LHX6: variants seen among roughly 807,000 people sequenced by gnomAD.
LHX6 encodes the protein LIM/homeobox protein Lhx6.
A neutral mutation model predicts 47.1 loss-of-function variants in LHX6; 15 were observed. That is an observed-to-expected ratio of 0.32 (90% CI 0.21 to 0.49). The LOEUF (loss-of-function observed/expected upper bound fraction) is 0.49. Ranked by LOEUF, LHX6 falls within the 20% of genes least tolerant of loss-of-function variation. The pLI is 0.99. For synonymous variants in LHX6, 242 were observed against 233.5 expected (o/e 1.04, Z -0.33); for missense variants, 404 against 539.6 (o/e 0.75, Z 2.49).
Position 122,226,328 on chromosome 9 carries a change from C to T in LHX6, c.461+48G>A. Reference sequence around the variant, plus strand: ...CCGCAAAAGTGGCCTCCGAATGCGCCCGGGGCCTGCCCTCGGCGACACTGC... The same window carrying T: ...CCGCAAAAGTGGCCTCCGAATGCGCTCGGGGCCTGCCCTCGGCGACACTGC... On this transcript the variant is annotated intron_variant, in intron 4 of 9. Transcript: ENST00000394319. The surrounding 1 kb of genome is among the most constrained non-coding windows in gnomAD (Gnocchi z 6.5). 1.3e-6 allele frequency: 2 copies of T among 1,579,320 alleles called. No individual in the cohort carries two copies. Among genetic ancestry groups the T allele is most frequent in the Non-Finnish European group, 1.7e-6 (2 of 1,161,752 alleles).
chr9:122,227,783 A>G (rs747286633), intron 1 of LHX6: 89 of 403,048 alleles, frequency 2.2e-4, no homozygotes, highest in Non-Finnish European at 2.8e-4. Context: ...AAACACGCGC[A>G]CACACACACA....
At chr9:122,227,952 A>AGGGGC in intron 1 of LHX6, 1 of 131,682 alleles carries the variant, frequency 7.6e-6, no homozygotes, top group Non-Finnish European at 1.6e-5. Context: ...TTCTCTCTCC[A>AGGGGC]CCCGCCCCCC....
intron 4 of LHX6, among the ~76,000 whole-genome samples, chr9:122,219,829 G>T (rs1027366187): frequency 5.3e-5 from 8 of 152,222 alleles, no homozygotes; most frequent in African/African-American, 1.9e-4. Context: ...GACTGGCGAC[G>T]AGGAAAGCTG....
At chr9:122,224,487 A>G (rs977145864) in intron 4 of LHX6, among the ~76,000 whole-genome samples, 4 of 135,766 alleles carry the variant, frequency 2.9e-5, no homozygotes, top group Admixed American at 2.8e-4. Context: ...CTGTCTGACT[A>G]CACACACACA....
intron 9 of LHX6, among the ~76,000 whole-genome samples, chr9:122,207,119 G>T (rs1291150621): frequency 5.9e-5 from 9 of 152,296 alleles, no homozygotes; most frequent in African/African-American, 1.9e-4. Flanking sequence ...GGTCTAATAG[G>T]ATGAATCCCC....
rs1277019372 is a variant in LHX6, at chr9:122,224,215, A to G, written c.461+2161T>C. Among the ~76,000 whole-genome samples, 4 of 151,960 alleles carry G rather than the reference A, an allele frequency of 2.6e-5. 1 individual carries two copies. The highest frequency in any genetic ancestry group is 1.3e-4 in the Admixed American group (2 of 15,240). On this transcript the variant is annotated intron_variant, in intron 4 of 9. Coordinates refer to ENST00000394319, the MANE Select transcript of LHX6 (RefSeq NM_014368.5). The stretch of plus-strand genomic sequence containing the variant: ...GCTAAGTTTTGTATTTTTAGTAGAG[A>G]TGGGTTTCACCATGTTGGCCAGGAT...
intron 1 of LHX6, 32 bp from the exon 2 acceptor site, chr9:122,227,512 G>C: frequency 6.6e-7 from 1 of 1,524,338 alleles, no homozygotes; most frequent in East Asian, 2.5e-5. Flanking sequence ...CGCAGGCGGC[G>C]GCGGCTGCTG....
At chr9:122,216,873 G>A (rs1830610773) in intron 5 of LHX6, among the ~76,000 whole-genome samples, 195 bp downstream of exon 5, 1 of 152,200 alleles carries the variant, frequency 6.6e-6, no homozygotes, top group Non-Finnish European at 1.5e-5. Context: ...AAGGAGGGCA[G>A]TGACTTCTGA....
chr9:122,226,659 T>C lies in LHX6; in HGVS notation c.340-162A>G, dbSNP rs1338422378. Reference sequence around the variant, plus strand: ...ATACTGAGACTCAGGGAAATGGAAATAAACTCTTCTTATTTTTCAGACGGA... The same window carrying C: ...ATACTGAGACTCAGGGAAATGGAAACAAACTCTTCTTATTTTTCAGACGGA... On this transcript the variant is annotated intron_variant, in intron 3 of 9. Transcript: ENST00000394319. The surrounding 1 kb of genome is among the most constrained non-coding windows in gnomAD (Gnocchi z 6.5). 3 of 1,270,298 alleles carry C rather than the reference T, an allele frequency of 2.4e-6. No homozygotes were observed. Among genetic ancestry groups the C allele is most frequent in the South Asian group, 1.5e-5 (1 of 67,672 alleles). 78.7% of individuals were successfully genotyped at this position (1,270,298 alleles called of 1,614,324 possible).
chr9:122,204,610 C>T lies in LHX6; in HGVS notation c.*150G>A. 2 of 831,890 alleles carry T rather than the reference C, an allele frequency of 2.4e-6. 1 individual carries two copies. The highest frequency in any genetic ancestry group is 5.7e-5 in the Admixed American group (2 of 34,972). The allele number at this position is 831,890 out of a possible 1,614,324, so 51.5% of individuals were successfully genotyped here. On this transcript the variant is annotated 3_prime_UTR_variant, in exon 10 of 10. Coordinates refer to ENST00000394319, the MANE Select transcript of LHX6 (RefSeq NM_014368.5). Reference sequence around the variant, plus strand: ...CTCAGCAGGAGAGGGAAAGGCCAGGCCTCGGGAACCGACCTGGTGGTGGGC... The same window carrying T: ...CTCAGCAGGAGAGGGAAAGGCCAGGTCTCGGGAACCGACCTGGTGGTGGGC...
intron 1 of LHX6, chr9:122,228,346 C>A (rs1326507985): frequency 2.1e-5 from 32 of 1,531,826 alleles, no homozygotes; most frequent in Admixed American, 1.0e-4. Flanking sequence ...GCCGGCACAA[C>A]CCCCGGCGCA....
chr9:122,223,944 T>C (rs892733248), intron 4 of LHX6, among the ~76,000 whole-genome samples: 1 of 152,172 alleles, frequency 6.6e-6, no homozygotes, highest in African/African-American at 2.4e-5. Flanking sequence ...ACCATTCTGC[T>C]GGGTTCCCAA....
At position 122,204,387 on chromosome 9, in the gene LHX6, G is replaced by C. The variant is rs113235907; in HGVS notation, c.*373C>G. The stretch of plus-strand genomic sequence containing the variant: ...GGAAGTAGTAAATAAAGGCCAATGT[G>C]GGGGAAAAAAACCTGTAAATGAGAA... On this transcript the variant is annotated 3_prime_UTR_variant, in exon 10 of 10. Transcript: ENST00000394319. The C allele has an allele frequency of 6.3e-6, 2 of 316,340 alleles. No homozygotes were observed. The highest frequency in any genetic ancestry group is 1.2e-5 in the Non-Finnish European group (2 of 173,384). 19.6% of individuals were successfully genotyped at this position (316,340 alleles called of 1,614,324 possible).
chr9:122,210,745 T>C (rs1425141741), intron 8 of LHX6, among the ~76,000 whole-genome samples: 2 of 152,040 alleles, frequency 1.3e-5, no homozygotes, highest in East Asian at 1.9e-4. Flanking sequence ...TATTTTTTGG[T>C]ATAGAGGGGG....
At chr9:122,225,563 G>C (rs1025138492) in intron 4 of LHX6, among the ~76,000 whole-genome samples, 1 of 152,242 alleles carries the variant, frequency 6.6e-6, no homozygotes, top group Non-Finnish European at 1.5e-5. Flanking sequence ...AGCGCAGCCC[G>C]GGGTAATCCC....
In LHX6 at chr9:122,220,127, G is replaced by A. The variant is rs573098244; in HGVS notation, c.462-2839C>T. 2.8e-4 allele frequency among the ~76,000 whole-genome samples: 42 copies of A among 152,342 alleles called. No individual in the cohort carries two copies. The South Asian group carries it at 8.3e-3, about 30-fold the overall frequency. ...GCGCACCGCGATCTTCCTGTCCCGC[G>A]AGTCCCCGACGCCCGAGTCCGTTCT... is the stretch of plus-strand genomic sequence containing the variant. On this transcript the variant is annotated intron_variant, in intron 4 of 9. Coordinates refer to ENST00000394319, the MANE Select transcript of LHX6 (RefSeq NM_014368.5).
At position 122,217,340 on chromosome 9, in the gene LHX6, T is replaced by C; in HGVS notation, c.462-52A>G. 1 of 1,469,532 alleles carries C rather than the reference T, an allele frequency of 6.8e-7. No individual in the cohort carries two copies. Among genetic ancestry groups the C allele is most frequent in the Non-Finnish European group, 9.2e-7 (1 of 1,084,210 alleles). The allele number at this position is 1,469,532 out of a possible 1,614,324, so 91.0% of individuals were successfully genotyped here. A position where few individuals can be genotyped will look rare whatever the true frequency, so the allele number is the denominator to read the frequency against. On this transcript the variant is annotated intron_variant, in intron 4 of 9. Coordinates refer to ENST00000394319, the MANE Select transcript of LHX6 (RefSeq NM_014368.5). The surrounding 1 kb of genome is among the most constrained non-coding windows in gnomAD (Gnocchi z 4.9). ...GTGTCGAGACTCAGACAGGCCAACC[T>C]TCCTCCTTCCACCACCCAATGGCCC...
At position 122,217,691 on chromosome 9, in the gene LHX6, A is replaced by G. The variant is rs1219056956; in HGVS notation, c.462-403T>C. Among the ~76,000 whole-genome samples the G allele has an allele frequency of 6.6e-6, 1 of 152,214 alleles. No individual in the cohort carries two copies. The highest frequency in any genetic ancestry group is 1.5e-5 in the Non-Finnish European group (1 of 68,038). On this transcript the variant is annotated intron_variant, in intron 4 of 9. Transcript: ENST00000394319. This position sits in a 1 kb window ranked among gnomAD's most constrained non-coding sequence, Gnocchi z 4.9. ...CCAATTAATCCTCATTTTGCAGGTGAGGAAAATGGGGACTAGAGAGGTAAA... is the reference window on the plus strand; with the variant it reads ...CCAATTAATCCTCATTTTGCAGGTGGGGAAAATGGGGACTAGAGAGGTAAA...
intron 8 of LHX6, among the ~76,000 whole-genome samples, chr9:122,212,392 GAC>G (rs1050957275): frequency 3.9e-5 from 6 of 152,136 alleles, no homozygotes; most frequent in South Asian, 2.1e-4. Context: ...GATGTTTAGA[GAC>G]ACAGTCAGTA....
Sources: gnomAD v4.1 joint callset for allele counts (sites outside exome capture counted in the v4.1 genomes callset) on GRCh38, gnomAD v4.1.1 for gene constraint, Gnocchi (gnomAD v3.1) non-coding constraint, MANE v1.5 for transcripts, NCBI Gene and HGNC (gene_info 2026-07-23, HGNC 2026-07-21) for gene names.